The following APC2 variants were observed in gnomAD, a reference collection of about 807,000 sequenced individuals.
APC2 encodes the protein APC regulator of Wnt signaling pathway 2, also known as adenomatous polyposis coli protein 2.
Under a neutral mutation model 72.5 loss-of-function variants are expected in APC2, and 41 were observed. That is an observed-to-expected ratio of 0.57 (90% CI 0.44 to 0.73). APC2 has a LOEUF of 0.73. Among genes scored for constraint, APC2 ranks in the 30% least tolerant of loss-of-function variants. The pLI is 0.00. For synonymous variants in APC2, 1,898 were observed against 1,612.0 expected (o/e 1.18, Z -4.25); for missense variants, 3,729 against 3,403.4 (o/e 1.10, Z -2.38).
In APC2 at chr19:1,457,900, C is replaced by A; in HGVS notation, c.1208-65C>A. ...GGCCTGGGGCGGGCGGGTTGCGGGA[C>A]CTTCGGGAGTCACCTGGGACATTTC... On this transcript the variant is annotated intron_variant, in intron 9 of 14. Coordinates refer to ENST00000590469, the MANE Select transcript of APC2 (RefSeq NM_005883.3). 4.7e-6 allele frequency: 4 copies of A among 856,724 alleles called. 1 individual carries two copies. The South Asian group carries it at 4.8e-5, about 10-fold the overall frequency. 53.1% of individuals were successfully genotyped at this position (856,724 alleles called of 1,614,324 possible). A position where few individuals can be genotyped will look rare whatever the true frequency, so the allele number is the denominator to read the frequency against.
At chr19:1,458,088 C>T in intron 10 of APC2, 28 bp downstream of exon 10, 1 of 1,542,646 alleles carries the variant, frequency 6.5e-7, no homozygotes, top group Non-Finnish European at 8.8e-7. Context: ...TCTGGGAAGC[C>T]ATCCTCCAGC....
In APC2 at chr19:1,455,484, T is replaced by C. The variant is rs1240283058; in HGVS notation, c.623T>C (p.Met208Thr). ...GAGCGCTTCGGCACCTCGGACGAGA[T>C]GGTGCAGCGGGCACAGGTGCGGCGG... The part of the protein sequence containing the change: ...MEERFGTSDE[M>T]VQRAQIRASR... The change falls in exon 6 of 15, where the codon ATG becomes ACG. Residue 208 changes from methionine (M) to threonine (T), a missense_variant. Met to Thr is a moderately conservative substitution (Grantham distance 81, BLOSUM62 -1). Transcript: ENST00000590469. The C allele has an allele frequency of 1.9e-6, 3 of 1,602,640 alleles. No individual in the cohort carries two copies. Among genetic ancestry groups the C allele is most frequent in the Non-Finnish European group, 2.6e-6 (3 of 1,175,098 alleles).
At chr19:1,458,884 G>A (rs1489897652) in intron 10 of APC2, among the ~76,000 whole-genome samples, 2 of 152,040 alleles carry the variant, frequency 1.3e-5, no homozygotes, top group African/African-American at 4.8e-5. Context: ...GGGTTTCACC[G>A]TGTTGCTCAG....
At position 1,465,411 on chromosome 19, in the gene APC2, G is replaced by A; in HGVS notation, c.2110G>A (p.Ala704Thr). The A allele has an allele frequency of 6.4e-7, 1 of 1,550,952 alleles. No individual in the cohort carries two copies. The highest frequency in any genetic ancestry group is 8.7e-7 in the Non-Finnish European group (1 of 1,155,374). ...GGCCCATCGGCCCGCCAAGCACCAG[G>A]CGGCCGCCACCGCCGTGTCCCCAGG... ...LLAHRPAKHQ[A>T]AATAVSPGSC... The change falls in exon 15 of 15, where the codon GCG becomes ACG. Residue 704 changes from alanine to threonine, a missense_variant. Ala to Thr is a moderately conservative substitution (Grantham distance 58). Transcript: ENST00000590469.
At chr19:1,456,033 G>C (rs764829355) in intron 6 of APC2, 43 bp from the exon 7 acceptor site, 35 of 1,492,844 alleles carry the variant, frequency 2.3e-5, no homozygotes, top group Admixed American at 1.4e-4. Flanking sequence ...AGAGCCGGGG[G>C]CGGGGTCAGC....
chr19:1,455,946 C>CATCCCAGGAAGAGGT lies in APC2; in HGVS notation c.640-129_640-128insTCCCAGGAAGAGGTA, dbSNP rs1599136149. On this transcript the variant is annotated intron_variant, in intron 6 of 14. Coordinates refer to ENST00000590469, the MANE Select transcript of APC2 (RefSeq NM_005883.3). ...ATCAGGGAGAAGGCAGAGGTAGGGT[C>CATCCCAGGAAGAGGT]AGGGCCTGGGGCGGGGTTATCAGGA... 17 of 949,942 alleles carry CATCCCAGGAAGAGGT rather than the reference C, an allele frequency of 1.8e-5. No individual in the cohort carries two copies. The East Asian group carries it at 4.5e-4, about 25-fold the overall frequency. 58.8% of individuals were successfully genotyped at this position (949,942 alleles called of 1,614,324 possible).
At chr19:1,455,941 A>C in intron 6 of APC2, 135 bp from the exon 7 acceptor site, 6 of 865,494 alleles carry the variant, frequency 6.9e-6, no homozygotes, top group Non-Finnish European at 1.1e-5. Flanking sequence ...AGGCAGAGGT[A>C]GGGTCAGGGC....
At position 1,461,699 on chromosome 19, in the gene APC2, A is replaced by G. The variant is rs553788221; in HGVS notation, c.1639-264A>G. The G allele has an allele frequency of 2.7e-5, 13 of 476,816 alleles. 2 individuals are homozygous for G. In the East Asian group the frequency reaches 2.9e-4, roughly 11 times the overall value. The allele number at this position is 476,816 out of a possible 1,614,324, so 29.5% of individuals were successfully genotyped here. A position where few individuals can be genotyped will look rare whatever the true frequency, so the allele number is the denominator to read the frequency against. ...AACCCCGTCTCTACTAAAAATACAA[A>G]AAATTAGCCGGGCGTGGTGGCGGGT... On this transcript the variant is annotated intron_variant, in intron 13 of 14. Transcript: ENST00000590469.
In APC2 at chr19:1,470,302, T is replaced by C. The variant is rs899291801; in HGVS notation, c.*89T>C. 3 of 1,421,980 alleles carry C rather than the reference T, an allele frequency of 2.1e-6. No individual in the cohort carries two copies. The highest frequency in any genetic ancestry group is 2.7e-5 in the Admixed American group (1 of 36,968). The allele number at this position is 1,421,980 out of a possible 1,614,324, so 88.1% of individuals were successfully genotyped here. On this transcript the variant is annotated 3_prime_UTR_variant, in exon 15 of 15. Transcript: ENST00000590469. ...GGGCCTGCGCTGTAGACGTCCCCCA[T>C]AGGTCGCCCCAGGGCCTCTGCCCAC... is the stretch of plus-strand genomic sequence containing the variant.
At chr19:1,451,785 A>G (rs1405001672) in intron 1 of APC2, 2 of 152,246 alleles carry the variant, frequency 1.3e-5, no homozygotes, top group Admixed American at 1.3e-4. Context: ...TCCCCTGAGC[A>G]GGACGGGACA....
chr19:1,453,362 G>A (rs765993198), intron 3 of APC2, 25 bp downstream of exon 3: 1 of 1,611,698 alleles, frequency 6.2e-7, no homozygotes, highest in South Asian at 1.1e-5. Context: ...CACCCGCAGA[G>A]GGAGTGGGGG....
chr19:1,451,669 G>T (rs541771424), intron 1 of APC2: 1 of 152,398 alleles, frequency 6.6e-6, no homozygotes, highest in South Asian at 2.1e-4. Context: ...GCCAGACCTC[G>T]GTTCCTAGGG....
In APC2 at chr19:1,457,017, G is replaced by C; in HGVS notation, c.981G>C (p.Ala327=). 6.5e-7 allele frequency: 1 copy of C among 1,528,132 alleles called. No homozygotes were observed. The highest frequency in any genetic ancestry group is 2.5e-5 in the East Asian group (1 of 39,676). The allele number at this position is 1,528,132 out of a possible 1,614,324, so 94.7% of individuals were successfully genotyped here. Residue 327 remains alanine (A), a synonymous_variant, in exon 9 of 15, where the codon GCG becomes GCC. Coordinates refer to ENST00000590469, the MANE Select transcript of APC2 (RefSeq NM_005883.3). ...LLQILHGTEA[A]AGGRAGAPGA... ...AAATCCTCCACGGCACCGAGGCCGC[G>C]GCCGGGGGTCGCGCCGGGGCCCCAG...
intron 9 of APC2, 88 bp downstream of exon 9, chr19:1,457,331 T>G: frequency 7.0e-7 from 1 of 1,436,202 alleles, no homozygotes; most frequent in Non-Finnish European, 9.1e-7. Context: ...CCTCCAGCCT[T>G]TGCTGCCTGC....
In APC2 at chr19:1,462,160, C is replaced by T; in HGVS notation, c.1836C>T (p.Ala612=). Reference sequence around the variant, plus strand: ...TCCGCAATGTGTCCAGCCTCGTCGCCACCCGTGAGGACTACAGGTCGGCCC... The same window carrying T: ...TCCGCAATGTGTCCAGCCTCGTCGCTACCCGTGAGGACTACAGGTCGGCCC... ...GILRNVSSLV[A]TREDYRQVLR... Residue 612 remains alanine (A), a synonymous_variant, in exon 14 of 15, where the codon GCC becomes GCT. Coordinates refer to ENST00000590469, the MANE Select transcript of APC2 (RefSeq NM_005883.3). 1.2e-6 allele frequency: 2 copies of T among 1,602,732 alleles called. No homozygotes were observed. Among genetic ancestry groups the T allele is most frequent in the Non-Finnish European group, 1.7e-6 (2 of 1,176,402 alleles).
At position 1,468,647 on chromosome 19, in the gene APC2, C is replaced by T; in HGVS notation, c.5346C>T (p.Pro1782=). ...EKPRGTQKTT[P]GVPAVLRGRT... The stretch of plus-strand genomic sequence containing the variant: ...CACGTGGCACACAGAAGACCACGCC[C>T]GGGGTGCCAGCTGTGCTCCGGGGAC... The change falls in exon 15 of 15, where the codon CCC becomes CCT. Residue 1782 remains proline, a synonymous_variant. Coordinates refer to ENST00000590469, the MANE Select transcript of APC2 (RefSeq NM_005883.3). 6.3e-7 allele frequency: 1 copy of T among 1,592,884 alleles called. No individual in the cohort carries two copies. The highest frequency in any genetic ancestry group is 8.6e-7 in the Non-Finnish European group (1 of 1,168,474).
chr19:1,455,619 T>G, intron 6 of APC2, 119 bp downstream of exon 6: 2 of 995,542 alleles, frequency 2.0e-6, no homozygotes, highest in South Asian at 1.5e-5. Flanking sequence ...GCCTCCTGGG[T>G]TGGGGGGCGC....
Position 1,452,322 on chromosome 19 carries a change from G to A in APC2, c.-18-662G>A. ...GCAGGGGGTGCGGGCCACACAGGTA[G>A]CCACCCTGAGCTCAGCCACCGATGG... is the stretch of plus-strand genomic sequence containing the variant. On this transcript the variant is annotated intron_variant, in intron 1 of 14. Transcript: ENST00000590469. The surrounding 1 kb of genome is among the most constrained non-coding windows in gnomAD (Gnocchi z 5.1). The A allele has an allele frequency of 6.5e-6, 1 of 154,978 alleles. No homozygotes were observed. The highest frequency in any genetic ancestry group is 1.9e-4 in the East Asian group (1 of 5,218). The allele number at this position is 154,978 out of a possible 1,614,324, so 9.6% of individuals were successfully genotyped here.
Position 1,460,201 on chromosome 19 carries a change from G to C in APC2, c.1324G>C (p.Glu442Gln), listed in dbSNP as rs1188213242. ...CACAGGTGGGCTGCAGGCCGTGGCAGAGCTGCTGCAGGTTGACTATGAGAT... is the reference window on the plus strand; with the variant it reads ...CACAGGTGGGCTGCAGGCCGTGGCACAGCTGCTGCAGGTTGACTATGAGAT... ...NELGGLQAVA[E>Q]LLQVDYEMHK... Residue 442 changes from glutamate (E) to glutamine (Q), a missense_variant, in exon 11 of 15, where the codon GAG (glutamate) becomes CAG (glutamine). Transcript: ENST00000590469. The C allele has an allele frequency of 6.2e-7, 1 of 1,613,458 alleles. No homozygotes were observed. The highest frequency in any genetic ancestry group is 1.1e-5 in the South Asian group (1 of 91,090).
Sources: gnomAD v4.1 joint callset for allele counts (sites outside exome capture counted in the v4.1 genomes callset) on GRCh38, gnomAD v4.1.1 for gene constraint, Gnocchi (gnomAD v3.1) non-coding constraint, MANE v1.5 for transcripts, NCBI Gene and HGNC (gene_info 2026-07-23, HGNC 2026-07-21) for gene names.